The following WWC1 variants were observed in gnomAD, a reference collection of about 807,000 sequenced individuals.
WWC1 encodes the protein WW and C2 domain containing 1.
A neutral mutation model predicts 138.4 loss-of-function variants in WWC1; 55 were observed. The observed-to-expected ratio is 0.40, with a 90% CI of 0.32 to 0.50. The LOEUF is 0.50. Ranked by LOEUF, WWC1 falls within the 20% of genes least tolerant of loss-of-function variation. The pLI is 0.72. For synonymous variants in WWC1, 524 were observed against 564.9 expected (o/e 0.93, Z 1.03); for missense variants, 1,226 against 1,420.4 (o/e 0.86, Z 2.20).
chr5:168,300,809 G>A (rs1209525696), intron 1 of WWC1, among the ~76,000 whole-genome samples: 4 of 152,132 alleles, frequency 2.6e-5, no homozygotes, highest in Admixed American at 2.6e-4. Context: ...TTCGTCCCTG[G>A]GGTAGCCCCT....
intron 1 of WWC1, among the ~76,000 whole-genome samples, chr5:168,364,740 T>C (rs1283761757): frequency 1.3e-5 from 2 of 152,112 alleles, no homozygotes; most frequent in African/African-American, 4.8e-5. Flanking sequence ...ACAAGGGCAG[T>C]GGTCAGAGGA....
At chr5:168,458,134 C>A (rs1049431529) in intron 19 of WWC1, among the ~76,000 whole-genome samples, 4 of 152,198 alleles carry the variant, frequency 2.6e-5, no homozygotes, top group African/African-American at 9.7e-5. Context: ...GATGGGATTT[C>A]AAATGCTAAT....
At chr5:168,339,957 C>T in intron 1 of WWC1, among the ~76,000 whole-genome samples, 1 of 93,848 alleles carries the variant, frequency 1.1e-5, no homozygotes, top group East Asian at 6.8e-4. Flanking sequence ...CCCCCTCTCC[C>T]TCTCTCTCTC....
intron 15 of WWC1, among the ~76,000 whole-genome samples, chr5:168,433,466 T>C (rs1782105827): frequency 6.6e-6 from 1 of 152,384 alleles, no homozygotes; most frequent in Non-Finnish European, 1.5e-5. Context: ...ATGTTGTTAC[T>C]GACAATAATG....
intron 1 of WWC1, among the ~76,000 whole-genome samples, chr5:168,325,630 G>T (rs1319309875): frequency 6.6e-6 from 1 of 152,154 alleles, no homozygotes; most frequent in Admixed American, 6.6e-5. Context: ...TGTGAGAAAT[G>T]ATTTCTTTTC....
chr5:168,321,779 C>T (rs1282658418), intron 1 of WWC1, among the ~76,000 whole-genome samples: 5 of 152,190 alleles, frequency 3.3e-5, no homozygotes, highest in Non-Finnish European at 4.4e-5. Flanking sequence ...TCAGGTGATC[C>T]GCCTGCCTCT....
intron 1 of WWC1, among the ~76,000 whole-genome samples, chr5:168,338,310 CAA>C (rs201532417): frequency 3.2e-5 from 4 of 125,462 alleles, no homozygotes; most frequent in South Asian, 2.6e-4. Flanking sequence ...GACTTTGCCT[CAA>C]AAAAAAAAAA....
At chr5:168,455,607 G>A (rs1033492823) in intron 19 of WWC1, 87 bp downstream of exon 19, 2 of 1,517,572 alleles carry the variant, frequency 1.3e-6, no homozygotes, top group Non-Finnish European at 1.8e-6. Flanking sequence ...TTACTCTCAT[G>A]TTATTGGGTG....
Position 168,292,638 on chromosome 5 carries a change from G to A in WWC1, c.119+367G>A, listed in dbSNP as rs937660700. On this transcript the variant is annotated intron_variant, in intron 1 of 22. Coordinates refer to ENST00000265293, the MANE Select transcript of WWC1 (RefSeq NM_015238.3). This position sits in a 1 kb window ranked among gnomAD's most constrained non-coding sequence, Gnocchi z 4.4. ...TGGGGGAGCGACCTAGCCGGGTGAA[G>A]CCGGGTCTTCCCGGGGAGGCTTCCA... 3.3e-5 allele frequency among the ~76,000 whole-genome samples: 5 copies of A among 152,118 alleles called. No homozygotes were observed. The highest frequency in any genetic ancestry group is 9.7e-5 in the African/African-American group (4 of 41,434).
intron 1 of WWC1, among the ~76,000 whole-genome samples, chr5:168,345,963 G>A (rs1227461359): frequency 1.3e-5 from 2 of 152,106 alleles, no homozygotes; most frequent in Non-Finnish European, 2.9e-5. Context: ...TGGAGTCTCA[G>A]TCTTCCCCAG....
chr5:168,400,276 C>G (rs1374180038), intron 5 of WWC1, among the ~76,000 whole-genome samples: 1 of 152,090 alleles, frequency 6.6e-6, no homozygotes, highest in African/African-American at 2.4e-5. Context: ...TATTTCATCA[C>G]CCAGGTATTA....
chr5:168,310,690 G>A (rs1440204449), intron 1 of WWC1, among the ~76,000 whole-genome samples: 1 of 151,922 alleles, frequency 6.6e-6, no homozygotes, highest in East Asian at 1.9e-4. Context: ...AAAAGAATTA[G>A]CCAGGCATAG....
chr5:168,429,284 G>C (rs1020770091), intron 13 of WWC1, among the ~76,000 whole-genome samples: 12 of 136,134 alleles, frequency 8.8e-5, no homozygotes, highest in African/African-American at 3.3e-4. Context: ...TTTTGAGACA[G>C]GGTCTCACCT....
At chr5:168,299,223 A>G (rs1478407741) in intron 1 of WWC1, among the ~76,000 whole-genome samples, 1 of 152,254 alleles carries the variant, frequency 6.6e-6, no homozygotes. Flanking sequence ...TTATTAATCC[A>G]TCTCAGGGCC....
At chr5:168,354,120 G>T (rs1202216114) in intron 1 of WWC1, among the ~76,000 whole-genome samples, 1 of 150,994 alleles carries the variant, frequency 6.6e-6, no homozygotes, top group Non-Finnish European at 1.5e-5. Context: ...GTGTGATCTC[G>T]TCTCACTGCA....
chr5:168,449,637 G>A (rs777295306), intron 17 of WWC1, among the ~76,000 whole-genome samples: 11 of 144,944 alleles, frequency 7.6e-5, no homozygotes, highest in South Asian at 2.2e-4. Context: ...GCAATGGTGC[G>A]ATCTCGGCTC....
intron 1 of WWC1, among the ~76,000 whole-genome samples, chr5:168,336,788 G>C (rs1019214443): frequency 3.9e-5 from 6 of 152,144 alleles, no homozygotes; most frequent in Non-Finnish European, 7.3e-5. Context: ...ATACAGGACA[G>C]TTAGAGTTAA....
In WWC1 at chr5:168,297,643, A is replaced by G. The variant is rs1025526844; in HGVS notation, c.119+5372A>G. On this transcript the variant is annotated intron_variant, in intron 1 of 22. Transcript: ENST00000265293. Reference sequence around the variant, plus strand: ...CTCCATCTCAAAAAAAAAAAAAAAAAAAAAGAAATTGAGAACCAGAGACAA... The same window carrying G: ...CTCCATCTCAAAAAAAAAAAAAAAAGAAAAGAAATTGAGAACCAGAGACAA... Among the ~76,000 whole-genome samples the G allele has an allele frequency of 3.9e-4, 60 of 151,906 alleles. No individual in the cohort carries two copies. The East Asian group carries it at 4.8e-3, about 12-fold the overall frequency.
chr5:168,370,222 C>T (rs145762089), intron 1 of WWC1, among the ~76,000 whole-genome samples: 252 of 152,218 alleles, frequency 1.7e-3, no homozygotes, highest in African/African-American at 5.5e-3. Context: ...ACTTATTGAG[C>T]GCCAATTGTG....
Sources: gnomAD v4.1 joint callset for allele counts (sites outside exome capture counted in the v4.1 genomes callset) on GRCh38, gnomAD v4.1.1 for gene constraint, Gnocchi (gnomAD v3.1) non-coding constraint, MANE v1.5 for transcripts, NCBI Gene and HGNC (gene_info 2026-07-23, HGNC 2026-07-21) for gene names.